The following CLDN14 variants were observed in gnomAD, a reference collection of about 807,000 sequenced individuals.
The protein encoded by CLDN14 is claudin-14.
Under a neutral mutation model 2.1 loss-of-function variants are expected in CLDN14, and 2 were observed. That is an observed-to-expected ratio of 0.96 (90% CI 0.39 to 3.01). The LOEUF (loss-of-function observed/expected upper bound fraction) is 3.01, where lower values mean the gene tolerates loss of function less well. CLDN14 is among the 30% of genes most tolerant of loss of function. The probability of loss-of-function intolerance (pLI) is 0.09; values close to 1 mark genes in which losing one functional copy is unlikely to be tolerated. For synonymous variants in CLDN14, 136 were observed against 154.4 expected (o/e 0.88, Z 0.88); for missense variants, 298 against 328.0 (o/e 0.91, Z 0.71).
Position 36,475,042 on chromosome 21 carries a change from C to G in CLDN14, c.-82+4453G>C, listed in dbSNP as rs1255105121. Among the ~76,000 whole-genome samples the G allele has an allele frequency of 2.6e-5, 4 of 152,184 alleles. No individual in the cohort carries two copies. In the East Asian group the frequency reaches 7.7e-4, roughly 29 times the overall value. ...AGACCATGGTCATCCAGGAGAATGA[C>G]CGCAGGCCTGGACCAAGTCAAGGGG... On this transcript the variant is annotated intron_variant, in intron 1 of 1. Coordinates refer to ENST00000399135, the MANE Select transcript of CLDN14 (RefSeq NM_001146079.2).
At chr21:36,519,526 C>T (rs2087252864) in intron 1 of CLDN14, among the ~76,000 whole-genome samples, 1 of 152,060 alleles carries the variant, frequency 6.6e-6, no homozygotes, top group South Asian at 2.1e-4. Flanking sequence ...GCCTGGCCAA[C>T]AGACGAAACC....
chr21:36,555,337 G>A lies in CLDN14; in HGVS notation c.-220+21074C>T, dbSNP rs1023864192. The stretch of plus-strand genomic sequence containing the variant: ...AGGAGGTCTTGGGTCTGGGTGACCC[G>A]TACTCAGCACGGGAATTGTCCTGTG... On this transcript the variant is annotated intron_variant, in intron 1 of 2. Transcript: ENST00000342108. 2.0e-5 allele frequency among the ~76,000 whole-genome samples: 3 copies of A among 152,224 alleles called. No individual in the cohort carries two copies. In the East Asian group the frequency reaches 5.8e-4, roughly 29 times the overall value.
chr21:36,567,018 T>C (rs915577513), intron 1 of CLDN14, among the ~76,000 whole-genome samples: 12 of 152,232 alleles, frequency 7.9e-5, no homozygotes, highest in Admixed American at 2.6e-4. Context: ...TGAAAGATGC[T>C]GGAGCTACAT....
rs75804435 is a variant in CLDN14 at position 36,472,553 on chromosome 21, C to T, written c.-82+6942G>A. 7.6e-3 allele frequency among the ~76,000 whole-genome samples: 1,158 copies of T among 152,324 alleles called. 15 individuals carry two copies. Among genetic ancestry groups the T allele is most frequent in the African/African-American group, 0.025 (1,058 of 41,558 alleles). On this transcript the variant is annotated intron_variant, in intron 1 of 1. Transcript: ENST00000399135. Reference sequence around the variant, plus strand: ...AGGTTAACATTGAAAGCAGATTGCCCTCCATAGTGTGGGTGGGCCACACCC... The same window carrying T: ...AGGTTAACATTGAAAGCAGATTGCCTTCCATAGTGTGGGTGGGCCACACCC...
intron 1 of CLDN14, among the ~76,000 whole-genome samples, chr21:36,569,541 C>T (rs1369983329): frequency 1.3e-5 from 2 of 152,176 alleles, no homozygotes; most frequent in Non-Finnish European, 2.9e-5. Context: ...TAACAGATGT[C>T]AAATGAATTA....
intron 1 of CLDN14, among the ~76,000 whole-genome samples, chr21:36,568,475 C>T (rs192253751): frequency 1.5e-3 from 221 of 152,254 alleles, no homozygotes; most frequent in Non-Finnish European, 2.7e-3. Context: ...CTCTGTCTTT[C>T]CCTAGAGCCC....
intron 2 of CLDN14, chr21:36,486,749 T>A: frequency 1.1e-6 from 1 of 942,794 alleles, no homozygotes; most frequent in Non-Finnish European, 1.7e-6. Flanking sequence ...CTCATTGCCT[T>A]TGGGCTTCCC....
At chr21:36,533,696 T>C (rs1337625262) in intron 1 of CLDN14, among the ~76,000 whole-genome samples, 2 of 152,108 alleles carry the variant, frequency 1.3e-5, no homozygotes, top group African/African-American at 4.8e-5. Flanking sequence ...TGTAGGAACG[T>C]GGGTGGAGCT....
chr21:36,493,690 G>A (rs778557936), intron 2 of CLDN14, among the ~76,000 whole-genome samples: 51 of 152,252 alleles, frequency 3.3e-4, no homozygotes, highest in African/African-American at 7.7e-4. Flanking sequence ...ATTGTGGAGC[G>A]GGAGCCTCTG....
At chr21:36,463,486 T>C (rs1382396087) in intron 1 of CLDN14, among the ~76,000 whole-genome samples, 3 of 152,060 alleles carry the variant, frequency 2.0e-5, no homozygotes, top group Admixed American at 2.0e-4. Context: ...CTAAGGCGGG[T>C]GGATCGCTTA....
At chr21:36,548,489 C>A (rs918309351) in intron 1 of CLDN14, among the ~76,000 whole-genome samples, 2 of 152,228 alleles carry the variant, frequency 1.3e-5, no homozygotes, top group Non-Finnish European at 2.9e-5. Flanking sequence ...TCGAGGGAAT[C>A]CTGGAAGAGC....
chr21:36,486,890 G>C lies in CLDN14; in HGVS notation c.-82+23473C>G, dbSNP rs1158314329. ...ACGGTGTGTAGCTTGGACAGGATGC[G>C]GCCGGTGTCTAGAGTGAGTGTGGTC... On this transcript the variant is annotated intron_variant, in intron 2 of 2. Coordinates refer to the CLDN14 transcript ENST00000342108. The C allele has an allele frequency of 4.5e-6, 3 of 669,746 alleles. No homozygotes were observed. The African/African-American group carries it at 5.3e-5, about 12-fold the overall frequency. 41.5% of individuals were successfully genotyped at this position (669,746 alleles called of 1,614,324 possible). A position where few individuals can be genotyped will look rare whatever the true frequency, so the allele number is the denominator to read the frequency against.
At chr21:36,486,430 C>T (rs769680621) in intron 2 of CLDN14, 3 of 1,381,740 alleles carry the variant, frequency 2.2e-6, no homozygotes, top group Non-Finnish European at 2.1e-6. Context: ...TGCTGCTCCT[C>T]CATAGAAACC....
intron 2 of CLDN14, chr21:36,486,716 T>C (rs2086901497): frequency 3.0e-5 from 36 of 1,182,944 alleles, no homozygotes; most frequent in Non-Finnish European, 4.3e-5. Context: ...CTTGAGGAAT[T>C]TAGCCAGTTT....
chr21:36,506,591 T>C (rs113644645), intron 2 of CLDN14, among the ~76,000 whole-genome samples: 6,413 of 143,204 alleles, frequency 0.045, 466 homozygotes, highest in African/African-American at 0.17. Context: ...ACCAAGACTC[T>C]GTCTCAAAAA....
intron 1 of CLDN14, among the ~76,000 whole-genome samples, chr21:36,560,635 A>C (rs1436051288): frequency 1.3e-5 from 2 of 152,214 alleles, no homozygotes; most frequent in Non-Finnish European, 2.9e-5. Context: ...GGTGTCACTT[A>C]GTCATGGTGT....
chr21:36,500,539 CT>C (rs2087084065), intron 2 of CLDN14, among the ~76,000 whole-genome samples: 1 of 152,188 alleles, frequency 6.6e-6, no homozygotes, highest in African/African-American at 2.4e-5. Flanking sequence ...TCAAGCAATT[CT>C]CCTGCTTCAA....
At chr21:36,506,902 T>C (rs1400263956) in intron 2 of CLDN14, among the ~76,000 whole-genome samples, 1 of 152,134 alleles carries the variant, frequency 6.6e-6, no homozygotes, top group African/African-American at 2.4e-5. Context: ...AAGGATTCCT[T>C]GAGTCCAGGA....
intron 1 of CLDN14, among the ~76,000 whole-genome samples, chr21:36,475,878 T>C (rs1025434519): frequency 2.0e-5 from 3 of 152,116 alleles, no homozygotes; most frequent in Non-Finnish European, 4.4e-5. Flanking sequence ...TTTCACTCCG[T>C]CTAGGCTGGT....
Sources: allele counts gnomAD v4.1 joint callset (sites outside exome capture counted in the v4.1 genomes callset), GRCh38; gene constraint gnomAD v4.1.1; transcripts MANE v1.5; gene names NCBI Gene and HGNC (gene_info 2026-07-23, HGNC 2026-07-21).